ARL15: variants seen among roughly 807,000 people sequenced by gnomAD.
The protein encoded by ARL15 is ADP-ribosylation factor-like protein 15.
A neutral mutation model predicts 25.2 loss-of-function variants in ARL15; 19 were observed. The ratio of observed to expected loss-of-function variants is 0.75; its 90% CI spans 0.53 to 1.10. The LOEUF (loss-of-function observed/expected upper bound fraction) is 1.10, where lower values mean the gene tolerates loss of function less well. Among genes scored for constraint, ARL15 ranks in the 50% least tolerant of loss-of-function variants. The probability of loss-of-function intolerance (pLI) is 0.00; values close to 1 mark genes in which losing one functional copy is unlikely to be tolerated. For synonymous variants in ARL15, 94 were observed against 86.8 expected (o/e 1.08, Z -0.46); for missense variants, 220 against 246.0 (o/e 0.89, Z 0.71).
intron 1 of ARL15, among the ~76,000 whole-genome samples, chr5:54,197,962 T>A (rs1348464315): frequency 1.3e-5 from 2 of 151,934 alleles, no homozygotes; most frequent in African/African-American, 4.8e-5. Context: ...CAAGTGGGCT[T>A]CATCCCTGGG....
At chr5:54,177,141 T>C (rs1348829641) in intron 1 of ARL15, among the ~76,000 whole-genome samples, 1 of 152,252 alleles carries the variant, frequency 6.6e-6, no homozygotes, top group African/African-American at 2.4e-5. Flanking sequence ...GGACAAGTTA[T>C]GACTTGGTCT....
intron 4 of ARL15, among the ~76,000 whole-genome samples, chr5:54,102,217 G>A (rs999454875): frequency 2.6e-5 from 4 of 151,856 alleles, no homozygotes; most frequent in African/African-American, 7.3e-5. Flanking sequence ...TCACCATGTC[G>A]GCCAGGCTTG....
intron 4 of ARL15, among the ~76,000 whole-genome samples, chr5:53,915,497 A>G (rs757218355): frequency 1.3e-5 from 2 of 152,242 alleles, no homozygotes; most frequent in African/African-American, 2.4e-5. Context: ...TTTATAAATG[A>G]TAATAAATCC....
intron 1 of ARL15, among the ~76,000 whole-genome samples, chr5:54,260,983 T>C (rs1469401021): frequency 1.5e-4 from 23 of 151,870 alleles, no homozygotes; most frequent in Admixed American, 1.5e-3. Flanking sequence ...AAGAAAAAAA[T>C]AAATTAGTTC....
chr5:54,225,565 T>C (rs552513229), intron 1 of ARL15, among the ~76,000 whole-genome samples: 2 of 152,062 alleles, frequency 1.3e-5, no homozygotes, highest in Non-Finnish European at 1.5e-5. Flanking sequence ...AATTTGTAAC[T>C]AAGGGAATGA....
chr5:54,242,303 C>G (rs776299903), intron 1 of ARL15, among the ~76,000 whole-genome samples: 3 of 152,166 alleles, frequency 2.0e-5, no homozygotes, highest in African/African-American at 7.2e-5. Context: ...AGTATTTTTA[C>G]AATCCTGCAT....
intron 1 of ARL15, among the ~76,000 whole-genome samples, chr5:54,264,434 G>A (rs1236265868): frequency 2.0e-5 from 3 of 152,180 alleles, no homozygotes; most frequent in South Asian, 2.1e-4. Flanking sequence ...AAACAGCAGC[G>A]AGAGTGATCC....
intron 4 of ARL15, among the ~76,000 whole-genome samples, chr5:54,081,727 T>A: frequency 6.6e-6 from 1 of 152,132 alleles, no homozygotes; most frequent in East Asian, 1.9e-4. Context: ...CCTCCCCAAC[T>A]ATGCTGCACT....
intron 3 of ARL15, among the ~76,000 whole-genome samples, chr5:54,144,450 T>C (rs1434867654): frequency 6.6e-6 from 1 of 152,210 alleles, no homozygotes; most frequent in Non-Finnish European, 1.5e-5. Flanking sequence ...ATTTTCATTT[T>C]AAATTTTAAA....
chr5:54,268,155 C>T (rs958030895), intron 1 of ARL15, among the ~76,000 whole-genome samples: 3 of 152,060 alleles, frequency 2.0e-5, no homozygotes, highest in Admixed American at 6.6e-5. Flanking sequence ...TTCTCGGAGG[C>T]TTTGTTCGTT....
At chr5:54,180,009 C>T (rs1250322991) in intron 1 of ARL15, among the ~76,000 whole-genome samples, 1 of 109,722 alleles carries the variant, frequency 9.1e-6, no homozygotes, top group African/African-American at 3.6e-5. Context: ...CACAGCGAGA[C>T]TGTCTCGAGA....
At position 54,122,825 on chromosome 5, in the gene ARL15, T is replaced by A. The variant is rs71619997; in HGVS notation, c.254-9415A>T. Among the ~76,000 whole-genome samples, 724 of 152,338 alleles carry A rather than the reference T, an allele frequency of 4.8e-3. 12 individuals are homozygous for A. Among genetic ancestry groups the A allele is most frequent in the Middle Eastern group, 0.037 (11 of 294 alleles). ...CCCACTTTTTCAGCCTTTTCACAGC[T>A]TTTGCTTAAGCATTCTAATTTCACT... is the stretch of plus-strand genomic sequence containing the variant. On this transcript the variant is annotated intron_variant, in intron 3 of 4. Transcript: ENST00000504924.
chr5:54,137,851 C>A (rs1324492781), intron 3 of ARL15, among the ~76,000 whole-genome samples: 1 of 150,682 alleles, frequency 6.6e-6, no homozygotes, highest in Non-Finnish European at 1.5e-5. Flanking sequence ...GCTTTGAATC[C>A]CGTAACATGG....
At chr5:54,192,427 G>A (rs1038652051) in intron 1 of ARL15, among the ~76,000 whole-genome samples, 4 of 151,808 alleles carry the variant, frequency 2.6e-5, no homozygotes, top group Non-Finnish European at 4.4e-5. Context: ...GTCCCATGAC[G>A]GCAAGATTTT....
At chr5:54,149,083 C>A (rs1041179279) in intron 3 of ARL15, among the ~76,000 whole-genome samples, 3 of 152,140 alleles carry the variant, frequency 2.0e-5, no homozygotes, top group African/African-American at 7.2e-5. Context: ...GCAGTGTGGA[C>A]AACTGCTTTC....
At chr5:54,037,129 C>A (rs931141517) in intron 4 of ARL15, among the ~76,000 whole-genome samples, 1 of 151,818 alleles carries the variant, frequency 6.6e-6, no homozygotes, top group African/African-American at 2.4e-5. Context: ...ACCTACTAAG[C>A]CATACATTTT....
intron 1 of ARL15, among the ~76,000 whole-genome samples, chr5:54,297,956 T>C (rs904839085): frequency 4.6e-5 from 7 of 152,178 alleles, no homozygotes; most frequent in African/African-American, 9.7e-5. Flanking sequence ...CTAATTTTTG[T>C]ATTTTTAGTA....
intron 1 of ARL15, among the ~76,000 whole-genome samples, chr5:54,251,061 T>C (rs911022343): frequency 2.0e-5 from 3 of 152,200 alleles, no homozygotes; most frequent in South Asian, 2.1e-4. Flanking sequence ...TTATTAAGCA[T>C]GGCTTGGAAA....
intron 4 of ARL15, among the ~76,000 whole-genome samples, chr5:53,962,847 A>C (rs1031103725): frequency 3.3e-5 from 5 of 152,200 alleles, no homozygotes; most frequent in African/African-American, 1.2e-4. Flanking sequence ...AAGAGTTATC[A>C]AAATAAGGTT....
Sources: gnomAD v4.1 joint callset for allele counts (sites outside exome capture counted in the v4.1 genomes callset) on GRCh38, gnomAD v4.1.1 for gene constraint, MANE v1.5 for transcripts, NCBI Gene and HGNC (gene_info 2026-07-23, HGNC 2026-07-21) for gene names.